GLDC: variants seen among roughly 807,000 people sequenced by gnomAD.
The protein encoded by GLDC is glycine decarboxylase, also known as glycine dehydrogenase (decarboxylating), mitochondrial.
A neutral mutation model predicts 121.3 loss-of-function variants in GLDC; 104 were observed. That is an observed-to-expected ratio of 0.86 (90% CI 0.73 to 1.01). GLDC has a LOEUF of 1.01. GLDC is among the 50% of genes least tolerant of loss of function. The pLI, the probability that GLDC is intolerant of heterozygous loss-of-function variation, is 0.00. For missense variants in GLDC, 1,429 were observed against 1,306.6 expected (o/e 1.09, Z -1.44); for synonymous variants, 546 against 480.6 (o/e 1.14, Z -1.78).
chr9:6,555,003 T>G, intron 18 of GLDC: 1 of 609,910 alleles, frequency 1.6e-6, no homozygotes, highest in Non-Finnish European at 2.9e-6. Context: ...AAATAGCAAC[T>G]GACCATTTAG....
At chr9:6,612,838 G>T (rs1200125259) in intron 3 of GLDC, among the ~76,000 whole-genome samples, 2 of 152,078 alleles carry the variant, frequency 1.3e-5, no homozygotes, top group Non-Finnish European at 2.9e-5. Context: ...CTCCAGCCTG[G>T]GTGACAGAGC....
At chr9:6,542,872 T>G (rs1817297688) in intron 21 of GLDC, among the ~76,000 whole-genome samples, 3 of 98,900 alleles carry the variant, frequency 3.0e-5, no homozygotes, top group South Asian at 3.3e-4. Context: ...GGTGACGGAG[T>G]GAGACCTTTT....
intron 15 of GLDC, among the ~76,000 whole-genome samples, chr9:6,582,964 C>T (rs1204604672): frequency 6.6e-6 from 1 of 152,122 alleles, no homozygotes; most frequent in Non-Finnish European, 1.5e-5. Context: ...TGAAAAGATG[C>T]TCAACATTGC....
At chr9:6,558,751 G>C (rs1817686816) in intron 16 of GLDC, 67 bp from the exon 17 acceptor site, 1 of 1,551,314 alleles carries the variant, frequency 6.4e-7, no homozygotes, top group Non-Finnish European at 8.9e-7. Flanking sequence ...TGACAGAAAA[G>C]TACTACAACA....
intron 3 of GLDC, among the ~76,000 whole-genome samples, chr9:6,612,203 A>G (rs1461064452): frequency 6.6e-6 from 1 of 151,210 alleles, no homozygotes; most frequent in Non-Finnish European, 1.5e-5. Flanking sequence ...TCTCACACAC[A>G]CACACAAACA....
At chr9:6,539,918 G>C in intron 22 of GLDC, 133 bp downstream of exon 22, 1 of 725,184 alleles carries the variant, frequency 1.4e-6, no homozygotes, top group South Asian at 1.5e-5. Flanking sequence ...TTATTTTGGA[G>C]GTTGCCAAGA....
At chr9:6,540,261 G>A (rs765729954) in intron 21 of GLDC, 115 bp from the exon 22 acceptor site, 217 of 754,402 alleles carry the variant, frequency 2.9e-4, no homozygotes, top group Non-Finnish European at 4.5e-4. Context: ...TATCAGCGAG[G>A]ACCAAGAAGC....
rs1392058637 is a variant in GLDC at position 6,620,325 on chromosome 9, T to C, written c.335-6A>G. The C allele has an allele frequency of 6.2e-7, 1 of 1,612,686 alleles. No homozygotes were observed. The highest frequency in any genetic ancestry group is 1.3e-5 in the African/African-American group (1 of 74,918). On this transcript the variant is annotated splice_region_variant and splice_polypyrimidine_tract_variant and intron_variant, in intron 2 of 24. Transcript: ENST00000321612. Reference sequence around the variant, plus strand: ...TGCAAGGATTTCATTTTCACCTAATTGTGGGAAAAAGAGAAATGTTACAGA... The same window carrying C: ...TGCAAGGATTTCATTTTCACCTAATCGTGGGAAAAAGAGAAATGTTACAGA...
At chr9:6,627,474 C>T (rs1414806361) in intron 2 of GLDC, among the ~76,000 whole-genome samples, 1 of 152,050 alleles carries the variant, frequency 6.6e-6, no homozygotes, top group Non-Finnish European at 1.5e-5. Context: ...GGACTCTGCC[C>T]CTATCCAGCT....
chr9:6,644,376 C>G (rs1017788263), intron 2 of GLDC, among the ~76,000 whole-genome samples: 4 of 151,814 alleles, frequency 2.6e-5, no homozygotes, highest in Non-Finnish European at 5.9e-5. Context: ...TCGCGGGGGC[C>G]CTAGGATAAA....
At chr9:6,625,170 G>A (rs1277919806) in intron 2 of GLDC, among the ~76,000 whole-genome samples, 2 of 152,216 alleles carry the variant, frequency 1.3e-5, no homozygotes, top group South Asian at 2.1e-4. Context: ...TTGGAAGTCT[G>A]TGCAGAGGGG....
At position 6,536,134 on chromosome 9, in the gene GLDC, A is replaced by G. The variant is rs2129649642; in HGVS notation, c.2768T>C (p.Met923Thr). 2.5e-6 allele frequency: 4 copies of G among 1,614,136 alleles called. No homozygotes were observed. Among genetic ancestry groups the G allele is most frequent in the Admixed American group, 1.7e-5 (1 of 60,022 alleles). ...AGCAATTTCCTGCCGAATGCTGATC[A>G]TGGCATCACAGAATCTGTCCAGCTC... The part of the protein sequence containing the change: ...KAELDRFCDA[M>T]ISIRQEIADI... The change falls in exon 23 of 25, where the codon ATG (methionine) becomes ACG (threonine). Residue 923 changes from methionine (M) to threonine (T), a missense_variant. Met to Thr is a moderately conservative substitution (Grantham distance 81). Coordinates refer to ENST00000321612, the MANE Select transcript of GLDC (RefSeq NM_000170.3).
intron 3 of GLDC, among the ~76,000 whole-genome samples, chr9:6,619,526 G>A (rs1054950750): frequency 3.3e-5 from 5 of 151,750 alleles, no homozygotes; most frequent in Admixed American, 1.3e-4. Context: ...TCAGGAGTTC[G>A]AGACCAGCCT....
chr9:6,641,991 T>TC (rs1819639034), intron 2 of GLDC, among the ~76,000 whole-genome samples: 1 of 152,144 alleles, frequency 6.6e-6, no homozygotes, highest in African/African-American at 2.4e-5. Flanking sequence ...CAATTTGCTC[T>TC]CCCCACCTGG....
At chr9:6,568,497 G>A (rs1202608755) in intron 15 of GLDC, among the ~76,000 whole-genome samples, 3 of 152,138 alleles carry the variant, frequency 2.0e-5, no homozygotes, top group Non-Finnish European at 2.9e-5. Flanking sequence ...GCCAGTGAAC[G>A]GGGAGCCTCA....
chr9:6,569,746 C>T (rs770607642), intron 15 of GLDC, among the ~76,000 whole-genome samples: 2 of 151,854 alleles, frequency 1.3e-5, no homozygotes, highest in African/African-American at 4.8e-5. Flanking sequence ...GAGGCCGAGG[C>T]GAGCGGATTA....
chr9:6,633,416 A>T (rs756356317), intron 2 of GLDC, among the ~76,000 whole-genome samples: 9 of 151,876 alleles, frequency 5.9e-5, no homozygotes, highest in Admixed American at 1.3e-4. Context: ...GGATCTCTAG[A>T]CTCTACTTTG....
intron 20 of GLDC, among the ~76,000 whole-genome samples, chr9:6,552,149 A>G (rs1817528855): frequency 6.6e-6 from 1 of 152,200 alleles, no homozygotes; most frequent in Non-Finnish European, 1.5e-5. Context: ...AGAAGCAGCT[A>G]AAGCTAGAGT....
intron 18 of GLDC, 151 bp from the exon 19 acceptor site, chr9:6,554,932 T>C: frequency 1.4e-6 from 1 of 706,224 alleles, no homozygotes; most frequent in South Asian, 1.5e-5. Flanking sequence ...TCCTCTATAC[T>C]GGCCCAGTTC....
Sources: gnomAD v4.1 joint callset for allele counts (sites outside exome capture counted in the v4.1 genomes callset) on GRCh38, gnomAD v4.1.1 for gene constraint, MANE v1.5 for transcripts, NCBI Gene and HGNC (gene_info 2026-07-23, HGNC 2026-07-21) for gene names.